Variants in OTOF observed in about 807,000 individuals in gnomAD.
OTOF encodes the protein fer-1-like family member 2.
In OTOF, 218 loss-of-function variants were observed where a neutral mutation model predicts 236.8. That is an observed-to-expected ratio of 0.92 (90% confidence interval 0.82 to 1.03). The LOEUF (loss-of-function observed/expected upper bound fraction) is 1.03. Among genes scored for constraint, OTOF ranks in the 50% least tolerant of loss-of-function variants. OTOF has a pLI of 0.00. For synonymous variants in OTOF, 1,041 were observed against 1,072.5 expected (o/e 0.97, Z 0.57); for missense variants, 2,590 against 2,694.4 (o/e 0.96, Z 0.86).
intron 3 of OTOF, among the ~76,000 whole-genome samples, chr2:26,525,301 C>T (rs1317396187): frequency 6.6e-6 from 1 of 152,214 alleles, no homozygotes; most frequent in Admixed American, 6.5e-5. Context: ...TCAGAGACTC[C>T]TTGGAGCCCA....
At chr2:26,545,651 A>G (rs1202746487) in intron 1 of OTOF, among the ~76,000 whole-genome samples, 1 of 152,162 alleles carries the variant, frequency 6.6e-6, no homozygotes, top group East Asian at 1.9e-4. Flanking sequence ...AAGATGTTCT[A>G]TATTTTCTTC....
Position 26,495,060 on chromosome 2 carries a change from A to G in OTOF, c.779T>C (p.Val260Ala), listed in dbSNP as rs768482508. 6.2e-7 allele frequency: 1 copy of G among 1,614,094 alleles called. No individual in the cohort carries two copies. Among genetic ancestry groups the G allele is most frequent in the South Asian group, 1.1e-5 (1 of 91,080 alleles). The change falls in exon 9 of 47, where the codon GTG (valine) becomes GCG (alanine). Residue 260 changes from valine (V) to alanine (A), a missense_variant. Coordinates refer to ENST00000272371, the MANE Select transcript of OTOF (RefSeq NM_194248.3). Reference sequence around the variant, plus strand: ...GCCCACCAGCTGCCGGGCCTCGATCACCGTGATGCTGACCTGCAGGCAGGA... The same window carrying G: ...GCCCACCAGCTGCCGGGCCTCGATCGCCGTGATGCTGACCTGCAGGCAGGA... The part of the protein sequence containing the change: ...RPMDYQVSIT[V>A]IEARQLVGLN...
rs536079724 is a variant in OTOF at position 26,461,637 on chromosome 2, C to T, written c.5533+59G>A. The T allele has an allele frequency of 1.0e-4, 163 of 1,607,116 alleles. No individual in the cohort carries two copies. Among genetic ancestry groups the T allele is most frequent in the Non-Finnish European group, 1.3e-4 (150 of 1,178,946 alleles). ...AGGGCTCTCCCTGTCCCCGCCAACC[C>T]GGCCCCTGCCTCTTCTCAGTTCTGG... On this transcript the variant is annotated intron_variant, in intron 43 of 46. Coordinates refer to ENST00000272371, the MANE Select transcript of OTOF (RefSeq NM_194248.3). The surrounding 1 kb of genome is among the most constrained non-coding windows in gnomAD (Gnocchi z 6.2).
chr2:26,465,615 T>C, intron 38 of OTOF, 57 bp downstream of exon 38: 1 of 1,558,428 alleles, frequency 6.4e-7, no homozygotes, highest in Non-Finnish European at 8.9e-7. Flanking sequence ...AATCTCATTT[T>C]AGAGTGGAGG....
intron 26 of OTOF, 62 bp downstream of exon 26, chr2:26,474,451 C>T (rs983852349): frequency 2.7e-6 from 4 of 1,466,194 alleles, no homozygotes; most frequent in Non-Finnish European, 3.7e-6. Context: ...AGCCCCCAGC[C>T]CTAGGCCCCA....
intron 5 of OTOF, among the ~76,000 whole-genome samples, chr2:26,506,259 T>A (rs1666245484): frequency 6.6e-6 from 1 of 152,250 alleles, no homozygotes. Context: ...AGGAGTCTCC[T>A]GCAGGGCTCA....
At chr2:26,523,640 G>A (rs1256177086) in intron 3 of OTOF, among the ~76,000 whole-genome samples, 1 of 152,156 alleles carries the variant, frequency 6.6e-6, no homozygotes, top group Non-Finnish European at 1.5e-5. Flanking sequence ...CTCCCACCTT[G>A]TATACCTACC....
At chr2:26,482,837 G>A (rs1182271541) in intron 13 of OTOF, among the ~76,000 whole-genome samples, 1 of 149,680 alleles carries the variant, frequency 6.7e-6, no homozygotes, top group African/African-American at 2.5e-5. Context: ...GCGTGAGTGG[G>A]TGCATGTGTG....
intron 5 of OTOF, among the ~76,000 whole-genome samples, chr2:26,509,246 C>T (rs1666323030): frequency 6.6e-6 from 1 of 152,174 alleles, no homozygotes; most frequent in Non-Finnish European, 1.5e-5. Flanking sequence ...TATGGAGAAA[C>T]CTGAACCCTT....
intron 4 of OTOF, among the ~76,000 whole-genome samples, chr2:26,518,052 G>A (rs114718598): frequency 1.8e-3 from 276 of 152,226 alleles, no homozygotes; most frequent in African/African-American, 6.4e-3. Flanking sequence ...TGCCACCCCT[G>A]CCCATGGGAG....
rs760661519 is a variant in OTOF, at chr2:26,474,102, T to G, written c.3297A>C (p.Pro1099=). 1 of 1,612,912 alleles carries G rather than the reference T, an allele frequency of 6.2e-7. No individual in the cohort carries two copies. Among genetic ancestry groups the G allele is most frequent in the Non-Finnish European group, 8.5e-7 (1 of 1,179,850 alleles). ...LAAFELLQIG[P]AGKADLPPIN... ...TGGGGGGCAGGTCAGCCTTCCCTGC[T>G]GGTCCAATCTGGGGAATGGGGGTCA... Residue 1099 remains proline (P), a synonymous_variant, in exon 27 of 47, where the codon CCA becomes CCC. Coordinates refer to ENST00000272371, the MANE Select transcript of OTOF (RefSeq NM_194248.3).
chr2:26,530,089 G>A (rs1355384889), intron 2 of OTOF, among the ~76,000 whole-genome samples: 1 of 152,142 alleles, frequency 6.6e-6, no homozygotes, highest in East Asian at 1.9e-4. Flanking sequence ...GAGCCACCGA[G>A]ATTTGGTTTA....
Position 26,470,560 on chromosome 2 carries a change from G to A in OTOF, c.4023+33C>T, listed in dbSNP as rs374471069. On this transcript the variant is annotated intron_variant, in intron 32 of 46. Coordinates refer to ENST00000272371, the MANE Select transcript of OTOF (RefSeq NM_194248.3). The surrounding 1 kb of genome is among the most constrained non-coding windows in gnomAD (Gnocchi z 4.3). ...GACAGGAGGGTCTGAGTGTGGAGGG[G>A]GTCACCTCCCCTCACCCTACCCGAG... 5.6e-6 allele frequency: 9 copies of A among 1,610,656 alleles called. No homozygotes were observed. Among genetic ancestry groups the A allele is most frequent in the Non-Finnish European group, 7.6e-6 (9 of 1,177,016 alleles).
chr2:26,462,218 G>C lies in OTOF; in HGVS notation c.5193-37C>G. 3.2e-6 allele frequency: 5 copies of C among 1,576,476 alleles called. No homozygotes were observed. Among genetic ancestry groups the C allele is most frequent in the Non-Finnish European group, 3.5e-6 (4 of 1,146,068 alleles). ...GAGAGAAGGCTGGTTAGCAGCCCCA[G>C]GTGGGGGTTATGCCAGGGTGCCAGG... On this transcript the variant is annotated intron_variant, in intron 41 of 46. Coordinates refer to ENST00000272371, the MANE Select transcript of OTOF (RefSeq NM_194248.3). This position sits in a 1 kb window ranked among gnomAD's most constrained non-coding sequence, Gnocchi z 4.7.
At position 26,477,767 on chromosome 2, in the gene OTOF, G is replaced by C. The variant is rs760495787; in HGVS notation, c.2215-18C>G. On this transcript the variant is annotated intron_variant, in intron 18 of 46. Coordinates refer to ENST00000272371, the MANE Select transcript of OTOF (RefSeq NM_194248.3). The surrounding 1 kb of genome is among the most constrained non-coding windows in gnomAD (Gnocchi z 4.7). ...CCTTCTTCCTGTGAATCAGGAGTGT[G>C]GGTGATGCTGGGCCACAGCCCCGCC... The C allele has an allele frequency of 1.2e-6, 2 of 1,612,290 alleles. No homozygotes were observed. The highest frequency in any genetic ancestry group is 2.2e-5 in the South Asian group (2 of 91,022).
chr2:26,483,146 T>C (rs1558491418), intron 13 of OTOF, among the ~76,000 whole-genome samples: 1 of 151,160 alleles, frequency 6.6e-6, no homozygotes, highest in Non-Finnish European at 1.5e-5. Context: ...CGTGTCTGCA[T>C]GTGTGAGTTG....
At chr2:26,510,602 G>T in intron 5 of OTOF, 1 of 695,462 alleles carries the variant, frequency 1.4e-6, no homozygotes, top group Non-Finnish European at 2.2e-6. Context: ...GCCCACTCCT[G>T]AGCCCTCTCA....
intron 5 of OTOF, among the ~76,000 whole-genome samples, chr2:26,516,054 A>G (rs1042677834): frequency 2.0e-5 from 3 of 152,156 alleles, no homozygotes; most frequent in Non-Finnish European, 4.4e-5. Flanking sequence ...CACCTGGTGG[A>G]CACTGCTGGG....
rs771298805 is a variant in OTOF at position 26,516,464 on chromosome 2, C to A, written c.463G>T (p.Gly155Cys). Residue 155 changes from glycine to cysteine, a missense_variant, in exon 5 of 47, where the codon GGC becomes TGC. Physicochemically the swap from Gly to Cys is radical, Grantham distance 159. Transcript: ENST00000272371. ...GGGGGCCGGGAGCTGGGCCGGGAGC[C>A]TGGGAGCAGTCCATCCGTCTCTTGG... ...DSQETDGLLP[G>C]SRPSSRPPGE... 6 of 1,613,856 alleles carry A rather than the reference C, an allele frequency of 3.7e-6. No individual in the cohort carries two copies. Among genetic ancestry groups the A allele is most frequent in the African/African-American group, 1.3e-5 (1 of 74,912 alleles).
Sources: gnomAD v4.1 joint callset for allele counts (sites outside exome capture counted in the v4.1 genomes callset) on GRCh38, gnomAD v4.1.1 for gene constraint, Gnocchi (gnomAD v3.1) non-coding constraint, MANE v1.5 for transcripts, NCBI Gene and HGNC (gene_info 2026-07-23, HGNC 2026-07-21) for gene names.